ANKRD6: variants seen among roughly 807,000 people sequenced by gnomAD.
The protein encoded by ANKRD6 is ankyrin repeat domain 6.
ANKRD6 carries 56 observed loss-of-function variants against 82.3 expected under a neutral mutation model. The ratio of observed to expected loss-of-function variants is 0.68; its 90% CI spans 0.55 to 0.85. The LOEUF (loss-of-function observed/expected upper bound fraction) is 0.85. Ranked by LOEUF, ANKRD6 falls within the 40% of genes least tolerant of loss-of-function variation. The pLI, the probability that ANKRD6 is intolerant of heterozygous loss-of-function variation, is 0.00. For synonymous variants in ANKRD6, 347 were observed against 352.1 expected (o/e 0.99, Z 0.16); for missense variants, 852 against 907.6 (o/e 0.94, Z 0.79).
chr6:89,609,049 C>T (rs1437145708), intron 5 of ANKRD6, among the ~76,000 whole-genome samples: 1 of 152,230 alleles, frequency 6.6e-6, no homozygotes, highest in East Asian at 1.9e-4. Context: ...TGGCCCCAGG[C>T]CCTCTCCCTC....
intron 1 of ANKRD6, among the ~76,000 whole-genome samples, chr6:89,473,133 A>G (rs937902849): frequency 6.6e-6 from 1 of 152,186 alleles, no homozygotes; most frequent in African/African-American, 2.4e-5. Flanking sequence ...AAATTTGGCC[A>G]GGAGCAGTGG....
chr6:89,598,808 TA>T (rs1323917643), intron 3 of ANKRD6, among the ~76,000 whole-genome samples: 2 of 152,184 alleles, frequency 1.3e-5, no homozygotes, highest in African/African-American at 2.4e-5. Context: ...TTCTTGTAGT[TA>T]ATCATTCAAC....
At chr6:89,508,442 A>G (rs561604648) in intron 1 of ANKRD6, among the ~76,000 whole-genome samples, 10 of 152,376 alleles carry the variant, frequency 6.6e-5, no homozygotes, top group African/African-American at 1.9e-4. Flanking sequence ...GGAACTTGCC[A>G]TAGCATCCCA....
chr6:89,558,171 A>G (rs1786882995), intron 1 of ANKRD6, among the ~76,000 whole-genome samples: 1 of 152,196 alleles, frequency 6.6e-6, no homozygotes, highest in African/African-American at 2.4e-5. Flanking sequence ...CATTTCTTAC[A>G]AAGCTAAACG....
chr6:89,540,568 C>A lies in ANKRD6; in HGVS notation c.-143-26266C>A, dbSNP rs190103611. On this transcript the variant is annotated intron_variant, in intron 1 of 15. Transcript: ENST00000339746. ...TAGTTTGCAAATATTTTCTTACATTCTGCAGGTTGTCTCTTTACTTTGTTG... is the reference window on the plus strand; with the variant it reads ...TAGTTTGCAAATATTTTCTTACATTATGCAGGTTGTCTCTTTACTTTGTTG... Among the ~76,000 whole-genome samples, 351 of 152,240 alleles carry A rather than the reference C, an allele frequency of 2.3e-3. 1 individual carries two copies. The highest frequency in any genetic ancestry group is 8.2e-3 in the African/African-American group (340 of 41,550).
At chr6:89,550,375 A>G (rs560144870) in intron 1 of ANKRD6, among the ~76,000 whole-genome samples, 17 of 152,350 alleles carry the variant, frequency 1.1e-4, no homozygotes, top group African/African-American at 3.4e-4. Flanking sequence ...GAATCATAAC[A>G]ATATTGGATA....
chr6:89,609,591 C>T (rs6930792), intron 5 of ANKRD6, among the ~76,000 whole-genome samples: 2,312 of 151,688 alleles, frequency 0.015, 71 homozygotes, highest in African/African-American at 0.053. Context: ...AGTGAGCCAC[C>T]GAACCCGGCC....
intron 1 of ANKRD6, among the ~76,000 whole-genome samples, chr6:89,504,139 G>T (rs926988872): frequency 1.1e-4 from 13 of 116,746 alleles, no homozygotes; most frequent in African/African-American, 1.6e-4. Flanking sequence ...GGGGGCGGGG[G>T]GTGGGGGGGA....
chr6:89,528,091 A>C (rs1206866144), intron 1 of ANKRD6, among the ~76,000 whole-genome samples: 1 of 152,220 alleles, frequency 6.6e-6, no homozygotes, highest in Non-Finnish European at 1.5e-5. Flanking sequence ...GATTACAGGC[A>C]TGAGCCCCAT....
At chr6:89,563,319 C>G (rs1273335836) in intron 1 of ANKRD6, among the ~76,000 whole-genome samples, 1 of 152,190 alleles carries the variant, frequency 6.6e-6, no homozygotes, top group African/African-American at 2.4e-5. Context: ...GGAGGGAAAT[C>G]TTAGCAAGCT....
At chr6:89,480,270 T>C (rs2127806107) in intron 1 of ANKRD6, among the ~76,000 whole-genome samples, 1 of 152,348 alleles carries the variant, frequency 6.6e-6, no homozygotes, top group South Asian at 2.1e-4. Flanking sequence ...TCCTGCATTC[T>C]CCACCAGACT....
intron 1 of ANKRD6, among the ~76,000 whole-genome samples, chr6:89,444,995 C>T (rs1207124846): frequency 6.6e-6 from 1 of 151,990 alleles, no homozygotes; most frequent in Non-Finnish European, 1.5e-5. Context: ...GTAAGACTAT[C>T]AAAGGATTCC....
intron 2 of ANKRD6, among the ~76,000 whole-genome samples, chr6:89,593,092 C>A (rs745330592): frequency 2.6e-5 from 4 of 152,124 alleles, no homozygotes; most frequent in Non-Finnish European, 5.9e-5. Flanking sequence ...AAAAAGTACT[C>A]CTGGGTCTGT....
intron 1 of ANKRD6, among the ~76,000 whole-genome samples, chr6:89,435,637 C>T (rs760718559): frequency 1.9e-4 from 29 of 152,144 alleles, no homozygotes; most frequent in African/African-American, 6.0e-4. Flanking sequence ...GCACGGATCC[C>T]GAAGGTGTGT....
rs1408177755 is a variant in ANKRD6, at chr6:89,632,245, AT to A, written c.*1244del. 6.6e-6 allele frequency: 1 copy of A among 152,214 alleles called. No individual in the cohort carries two copies. The highest frequency in any genetic ancestry group is 2.4e-5 in the African/African-American group (1 of 41,450). The allele number at this position is 152,214 out of a possible 1,614,324, so 9.4% of individuals were successfully genotyped here. A position where few individuals can be genotyped will look rare whatever the true frequency, so the allele number is the denominator to read the frequency against. On this transcript the variant is annotated 3_prime_UTR_variant, in exon 16 of 16. Transcript: ENST00000339746. Reference sequence around the variant, plus strand: ...CTCATTGAGCCAAAGAGAAGAAATGATTTATTAACATGGGGACACCAAGAAA... The same window carrying A: ...CTCATTGAGCCAAAGAGAAGAAATGATTATTAACATGGGGACACCAAGAAA...
At chr6:89,569,815 G>A (rs1489710488) in intron 2 of ANKRD6, among the ~76,000 whole-genome samples, 1 of 151,934 alleles carries the variant, frequency 6.6e-6, no homozygotes, top group Non-Finnish European at 1.5e-5. Flanking sequence ...GATTCCCATT[G>A]GAATTTTAAA....
At chr6:89,557,611 G>A (rs1786795166) in intron 1 of ANKRD6, among the ~76,000 whole-genome samples, 1 of 152,204 alleles carries the variant, frequency 6.6e-6, no homozygotes, top group Non-Finnish European at 1.5e-5. Flanking sequence ...AGACATGTTA[G>A]AACAGGGGTC....
chr6:89,499,553 G>T (rs571692246), intron 1 of ANKRD6, among the ~76,000 whole-genome samples: 1 of 152,118 alleles, frequency 6.6e-6, no homozygotes, highest in South Asian at 2.1e-4. Flanking sequence ...GGTTGGGGTC[G>T]CAGTGCTGGG....
At chr6:89,557,833 A>G (rs947700202) in intron 1 of ANKRD6, among the ~76,000 whole-genome samples, 1 of 151,978 alleles carries the variant, frequency 6.6e-6, no homozygotes, top group Non-Finnish European at 1.5e-5. Flanking sequence ...TGAACTGCAC[A>G]TGTAAGGGAT....
Sources: allele counts gnomAD v4.1 joint callset (sites outside exome capture counted in the v4.1 genomes callset), GRCh38; gene constraint gnomAD v4.1.1; transcripts MANE v1.5; gene names NCBI Gene and HGNC (gene_info 2026-07-23, HGNC 2026-07-21).